C19orf47: variants seen among roughly 807,000 people sequenced by gnomAD.
C19orf47 encodes chromosome 19 open reading frame 47, also known as uncharacterized protein C19orf47.
Under a neutral mutation model 32.3 loss-of-function variants are expected in C19orf47, and 18 were observed. The ratio of observed to expected loss-of-function variants is 0.56; its 90% confidence interval spans 0.39 to 0.83. C19orf47 has a LOEUF of 0.83. Among genes scored for constraint, C19orf47 ranks in the 40% least tolerant of loss-of-function variants. The probability of loss-of-function intolerance (pLI) is 0.00; values close to 1 mark genes in which losing one functional copy is unlikely to be tolerated. For synonymous variants in C19orf47, 202 were observed against 211.1 expected (o/e 0.96, Z 0.37); for missense variants, 484 against 531.6 (o/e 0.91, Z 0.88).
At chr19:40,335,455 C>T (rs908471430) in intron 4 of C19orf47, among the ~76,000 whole-genome samples, 4 of 152,188 alleles carry the variant, frequency 2.6e-5, no homozygotes, top group African/African-American at 9.6e-5. Flanking sequence ...GCTTAATACT[C>T]ACAACCAGGG....
At chr19:40,333,757 A>C (rs8103796) in intron 5 of C19orf47, 94 bp downstream of exon 5, 1,027,872 of 1,063,872 alleles carry the variant, frequency 0.97, 496,700 homozygotes, top group East Asian at 1. Context: ...TCTACCTTTG[A>C]AAATTACAGG....
At chr19:40,339,995 A>AT (rs1274122523) in intron 2 of C19orf47, among the ~76,000 whole-genome samples, 1 of 151,376 alleles carries the variant, frequency 6.6e-6, no homozygotes, top group Non-Finnish European at 1.5e-5. Context: ...AAAAAAAAAA[A>AT]CAAAAAAAGA....
intron 1 of C19orf47, 80 bp from the exon 2 acceptor site, chr19:40,341,970 C>A (rs1348968824): frequency 2.0e-6 from 3 of 1,533,268 alleles, no homozygotes; most frequent in Non-Finnish European, 8.7e-7. Flanking sequence ...TGTCTGTCTG[C>A]ATGCCAGAGG....
At chr19:40,329,216 T>A (rs2077898257) in intron 5 of C19orf47, among the ~76,000 whole-genome samples, 1 of 152,074 alleles carries the variant, frequency 6.6e-6, no homozygotes, top group Non-Finnish European at 1.5e-5. Context: ...GTGCCTAAAG[T>A]GGTTTCTGAG....
the C19orf47 span, among the ~76,000 whole-genome samples, chr19:40,303,859 A>T: frequency 6.6e-6 from 1 of 151,570 alleles, no homozygotes; most frequent in South Asian, 2.1e-4. Context: ...TGCAAATTGC[A>T]ACCAGGAAAA....
rs987064153 is a variant in C19orf47 at position 40,319,701 on chromosome 19, C to G, written c.*2181G>C. 3 of 152,794 alleles carry G rather than the reference C, an allele frequency of 2.0e-5. No individual in the cohort carries two copies. The highest frequency in any genetic ancestry group is 7.2e-5 in the African/African-American group (3 of 41,418). The allele number at this position is 152,794 out of a possible 1,614,324, so 9.5% of individuals were successfully genotyped here. ...TACAGGCACCTGTCACCACACCCGG[C>G]TAATTTTTGTATTTTTAGTAGAGAC... On this transcript the variant is annotated 3_prime_UTR_variant, in exon 9 of 9. Coordinates refer to ENST00000683109, the MANE Select transcript of C19orf47 (RefSeq NM_001256441.2).
chr19:40,297,699 C>T, the C19orf47 span, among the ~76,000 whole-genome samples: 4 of 59,544 alleles, frequency 6.7e-5, no homozygotes, highest in South Asian at 7.5e-4. Context: ...GACTCCGTCT[C>T]GGAAAAAAAA....
At position 40,326,387 on chromosome 19, in the gene C19orf47, T is replaced by C; in HGVS notation, c.539A>G (p.Lys180Arg). The change falls in exon 7 of 9, where the codon AAA becomes AGA. Residue 180 changes from lysine (K) to arginine (R), a missense_variant. Transcript: ENST00000683109. ...MEGKYVINMP[K>R]GTTPRTRKIL... is the part of the protein sequence containing the mutation. ...CTTGCGGGTGCGGGGTGTGGTGCCT[T>C]TGGGCATGTTGATGACGTACTTCCC... 6.2e-7 allele frequency: 1 copy of C among 1,614,116 alleles called. No homozygotes were observed. The highest frequency in any genetic ancestry group is 8.5e-7 in the Non-Finnish European group (1 of 1,180,020).
intron 2 of C19orf47, 99 bp downstream of exon 2, chr19:40,341,740 C>T: frequency 6.7e-7 from 1 of 1,502,526 alleles, no homozygotes; most frequent in South Asian, 1.2e-5. Flanking sequence ...CTGCCAGTGA[C>T]CCAGTCCTCC....
Position 40,326,354 on chromosome 19 carries a change from T to A in C19orf47, c.572A>T (p.Glu191Val). ...AGTACCTTTTGCAGCCTGCTGCTGC[T>A]CCAGGATCTTGCGGGTGCGGGGTGT... ...GTTPRTRKILEQQQAAKGLHR... is the reference protein window; with the variant it reads ...GTTPRTRKILVQQQAAKGLHR... Residue 191 changes from glutamate (E) to valine (V), a missense_variant, in exon 7 of 9, where the codon GAG becomes GTG. Glu to Val is a moderately radical substitution (Grantham distance 121). Transcript: ENST00000683109. 1.2e-6 allele frequency: 2 copies of A among 1,614,172 alleles called. No homozygotes were observed. The highest frequency in any genetic ancestry group is 3.3e-5 in the Admixed American group (2 of 60,024).
intron 1 of C19orf47, 184 bp from the exon 2 acceptor site, chr19:40,342,074 T>C: frequency 2.0e-6 from 2 of 985,312 alleles, no homozygotes; most frequent in Non-Finnish European, 2.4e-6. Context: ...CCATCATCGC[T>C]TGTGCCTGAG....
chr19:40,328,426 A>G lies in C19orf47; in HGVS notation c.426T>C (p.Ser142=). 1 of 1,611,618 alleles carries G rather than the reference A, an allele frequency of 6.2e-7. No individual in the cohort carries two copies. The highest frequency in any genetic ancestry group is 8.5e-7 in the Non-Finnish European group (1 of 1,179,130). Residue 142 remains serine (S), a synonymous_variant, in exon 6 of 9, where the codon AGT becomes AGC. Transcript: ENST00000683109. ...ATGTTCCCTCACCAGTGGCCTTGGC[A>G]CTCTTTGCTGCCATCTTGTTGGACA... The part of the protein sequence containing the change: ...VTVSNKMAAK[S]AKATAALARR...
At chr19:40,326,541 G>C (rs1220696301) in intron 6 of C19orf47, 55 bp from the exon 7 acceptor site, 11 of 1,579,704 alleles carry the variant, frequency 7.0e-6, no homozygotes, top group Middle Eastern at 1.7e-4. Context: ...GTTCTCCCAG[G>C]ATGGAAGCTG....
At chr19:40,304,995 G>A in the C19orf47 span, among the ~76,000 whole-genome samples, 4 of 151,828 alleles carry the variant, frequency 2.6e-5, no homozygotes, top group South Asian at 8.3e-4. Context: ...TTGGAAAGCT[G>A]AGGTGGGCGG....
intron 5 of C19orf47, 116 bp from the exon 6 acceptor site, chr19:40,328,666 C>T (rs529231922): frequency 7.4e-6 from 10 of 1,349,882 alleles, no homozygotes; most frequent in South Asian, 7.3e-5. Flanking sequence ...AGAAGGTCAG[C>T]GGGTATCACC....
chr19:40,308,658 T>A, the C19orf47 span, among the ~76,000 whole-genome samples: 1 of 150,584 alleles, frequency 6.6e-6, no homozygotes, highest in African/African-American at 2.5e-5. Flanking sequence ...AAGACAAGTT[T>A]TCGCCATGTT....
chr19:40,326,217 T>C (rs1004709479), intron 7 of C19orf47, 117 bp downstream of exon 7: 9 of 1,412,836 alleles, frequency 6.4e-6, no homozygotes, highest in African/African-American at 1.4e-5. Context: ...CTACGGCTCC[T>C]GCATCCCCGT....
chr19:40,347,999 G>C (rs1266065745), intron 1 of C19orf47, among the ~76,000 whole-genome samples: 1 of 152,082 alleles, frequency 6.6e-6, no homozygotes, highest in African/African-American at 2.4e-5. Context: ...ACCAAAATTC[G>C]ACGGCTTCCA....
intron 2 of C19orf47, among the ~76,000 whole-genome samples, chr19:40,339,997 A>C (rs1030120511): frequency 5.3e-5 from 8 of 150,906 alleles, no homozygotes; most frequent in Middle Eastern, 3.4e-3. Context: ...AAAAAAAAAC[A>C]AAAAAAGAAA....
Sources: gnomAD v4.1 joint callset for allele counts (sites outside exome capture counted in the v4.1 genomes callset) on GRCh38, gnomAD v4.1.1 for gene constraint, MANE v1.5 for transcripts, NCBI Gene and HGNC (gene_info 2026-07-23, HGNC 2026-07-21) for gene names.